The following PLS1 variants were observed in gnomAD, a reference collection of about 807,000 sequenced individuals.
The protein encoded by PLS1 is plastin-1.
PLS1 carries 32 observed loss-of-function variants against 73.7 expected under a neutral mutation model. The ratio of observed to expected loss-of-function variants is 0.43; its 90% confidence interval spans 0.33 to 0.58. The LOEUF is 0.58. Ranked by LOEUF, PLS1 falls within the 20% of genes least tolerant of loss-of-function variation. PLS1 has a pLI of 0.04. For missense variants in PLS1, 633 were observed against 740.5 expected (o/e 0.85, Z 1.68); for synonymous variants, 217 against 261.3 (o/e 0.83, Z 1.63).
intron 1 of PLS1, among the ~76,000 whole-genome samples, chr3:142,607,202 A>G (rs1012221834): frequency 6.6e-6 from 1 of 152,226 alleles, no homozygotes; most frequent in East Asian, 1.9e-4. Flanking sequence ...AACTGTTTCA[A>G]ATTTACAAAG....
At chr3:142,681,924 T>C (rs2037865085) in intron 6 of PLS1, among the ~76,000 whole-genome samples, 1 of 152,242 alleles carries the variant, frequency 6.6e-6, no homozygotes, top group South Asian at 2.1e-4. Context: ...TTTGATATGC[T>C]TGTAAAGCAA....
intron 1 of PLS1, among the ~76,000 whole-genome samples, chr3:142,629,466 G>T (rs1360704465): frequency 6.6e-6 from 1 of 152,168 alleles, no homozygotes; most frequent in East Asian, 1.9e-4. Flanking sequence ...CTCCCAAAGT[G>T]CTGGGTTTAC....
Position 142,684,294 on chromosome 3 carries a change from C to G in PLS1, c.787C>G (p.Leu263Val), listed in dbSNP as rs755688841. 19 of 1,614,062 alleles carry G rather than the reference C, an allele frequency of 1.2e-5. No homozygotes were observed. The East Asian group carries it at 4.2e-4, about 36-fold the overall frequency. Residue 263 changes from leucine to valine, a missense_variant, in exon 8 of 16, where the codon CTG becomes GTG. Transcript: ENST00000457734. Reference sequence around the variant, plus strand: ...AAATGAAGGTGAGGAACTAGAGGAGCTGATGAAGCTTTCTCCCGAGGAATT... The same window carrying G: ...AAATGAAGGTGAGGAACTAGAGGAGGTGATGAAGCTTTCTCCCGAGGAATT... Reference protein sequence around the residue: ...LLNEGEELEELMKLSPEELLL... With the variant: ...LLNEGEELEEVMKLSPEELLL...
chr3:142,699,957 T>C (rs758028843), intron 12 of PLS1, among the ~76,000 whole-genome samples: 24 of 152,158 alleles, frequency 1.6e-4, no homozygotes, highest in Non-Finnish European at 3.2e-4. Context: ...ATTCAGAAAA[T>C]TTATTGACTA....
chr3:142,614,319 C>T (rs997392586), intron 1 of PLS1, among the ~76,000 whole-genome samples: 21 of 152,186 alleles, frequency 1.4e-4, no homozygotes, highest in African/African-American at 4.6e-4. Context: ...CACTTAACTA[C>T]CAAGGATAGA....
At chr3:142,616,256 C>T (rs2036214554) in intron 1 of PLS1, among the ~76,000 whole-genome samples, 1 of 152,170 alleles carries the variant, frequency 6.6e-6, no homozygotes, top group Admixed American at 6.5e-5. Flanking sequence ...CAAGAGCAAA[C>T]ATGAAGACTT....
At chr3:142,631,756 C>G (rs2036570706) in intron 1 of PLS1, among the ~76,000 whole-genome samples, 2 of 150,008 alleles carry the variant, frequency 1.3e-5, no homozygotes, top group African/African-American at 4.9e-5. Flanking sequence ...AATGTAAAAC[C>G]TGAAACTCTT....
intron 14 of PLS1, among the ~76,000 whole-genome samples, chr3:142,706,047 G>A (rs1399647726): frequency 6.6e-6 from 1 of 152,062 alleles, no homozygotes; most frequent in African/African-American, 2.4e-5. Flanking sequence ...AAATTGTTAT[G>A]TTGAAATTAT....
At chr3:142,676,374 A>G (rs2037725608) in intron 5 of PLS1, 85 bp downstream of exon 5, 3 of 1,298,388 alleles carry the variant, frequency 2.3e-6, no homozygotes, top group Non-Finnish European at 3.3e-6. Context: ...TCAGCTGTCC[A>G]TTGTCTTTTG....
rs762098298 is a variant in PLS1, at chr3:142,676,226, T to C, written c.434T>C (p.Leu145Pro). 17 of 1,613,082 alleles carry C rather than the reference T, an allele frequency of 1.1e-5. No homozygotes were observed. The highest frequency in any genetic ancestry group is 1.4e-5 in the Non-Finnish European group (16 of 1,179,166). Residue 145 changes from leucine to proline, a missense_variant, in exon 5 of 16, where the codon CTT becomes CCT. Coordinates refer to ENST00000457734, the MANE Select transcript of PLS1 (RefSeq NM_001145319.2). ...ALENDPDCKH[L>P]IPMNPNDDSL... ...GAGAATGACCCTGACTGTAAGCATC[T>C]TATACCCATGAATCCCAATGATGAT...
At chr3:142,640,296 G>A (rs1321358857) in intron 1 of PLS1, among the ~76,000 whole-genome samples, 1 of 152,156 alleles carries the variant, frequency 6.6e-6, no homozygotes, top group Non-Finnish European at 1.5e-5. Context: ...GTGACTTTCT[G>A]TACTTGGGTT....
intron 1 of PLS1, among the ~76,000 whole-genome samples, chr3:142,602,868 G>A (rs1446621805): frequency 6.6e-6 from 1 of 152,080 alleles, no homozygotes. Context: ...TGTATTTTTA[G>A]TAGAGTCGGG....
intron 14 of PLS1, among the ~76,000 whole-genome samples, chr3:142,707,756 G>A (rs2038493675): frequency 6.6e-6 from 1 of 152,182 alleles, no homozygotes. Context: ...TCACTATTCA[G>A]GGAAGGTGGC....
chr3:142,682,860 T>C (rs1314860801), intron 6 of PLS1, among the ~76,000 whole-genome samples: 3 of 152,258 alleles, frequency 2.0e-5, no homozygotes, highest in African/African-American at 7.2e-5. Context: ...GCTGTTAATT[T>C]TTTCATGTTT....
chr3:142,675,794 C>T (rs1444762895), intron 4 of PLS1, among the ~76,000 whole-genome samples: 1 of 152,108 alleles, frequency 6.6e-6, no homozygotes, highest in Non-Finnish European at 1.5e-5. Context: ...GAAGCCTCAG[C>T]CTCTCGAGTA....
At chr3:142,696,745 A>AATG (rs2038216439) in intron 11 of PLS1, among the ~76,000 whole-genome samples, 1 of 148,604 alleles carries the variant, frequency 6.7e-6, no homozygotes, top group African/African-American at 2.4e-5. Flanking sequence ...TAATAATAAT[A>AATG]ATAATAATAA....
At chr3:142,649,915 A>C (rs1246776310) in intron 1 of PLS1, among the ~76,000 whole-genome samples, 1 of 152,094 alleles carries the variant, frequency 6.6e-6, no homozygotes, top group East Asian at 1.9e-4. Context: ...ATTATAGTTA[A>C]TTTTCTTTCC....
intron 1 of PLS1, among the ~76,000 whole-genome samples, chr3:142,663,971 A>G (rs982493598): frequency 4.6e-5 from 7 of 152,246 alleles, no homozygotes; most frequent in African/African-American, 1.7e-4. Flanking sequence ...ATATCTGTGT[A>G]AAAGCACAAG....
chr3:142,606,751 A>G (rs1439519670), intron 1 of PLS1, among the ~76,000 whole-genome samples: 1 of 152,196 alleles, frequency 6.6e-6, no homozygotes, highest in African/African-American at 2.4e-5. Context: ...GTCAAGGTTC[A>G]TTCATGTTGT....
Sources: allele counts gnomAD v4.1 joint callset (sites outside exome capture counted in the v4.1 genomes callset), GRCh38; gene constraint gnomAD v4.1.1; transcripts MANE v1.5; gene names NCBI Gene and HGNC (gene_info 2026-07-23, HGNC 2026-07-21).